Variants in NAALADL2 observed in about 807,000 individuals in gnomAD.
NAALADL2 encodes the protein inactive N-acetylated-alpha-linked acidic dipeptidase-like protein 2.
In NAALADL2, 76 loss-of-function variants were observed where a neutral mutation model predicts 87.2. That is an observed-to-expected ratio of 0.87 (90% CI 0.72 to 1.05). The LOEUF (loss-of-function observed/expected upper bound fraction) is 1.05, where lower values mean the gene tolerates loss of function less well. Among genes scored for constraint, NAALADL2 ranks in the 50% least tolerant of loss-of-function variants. The pLI, the probability that NAALADL2 is intolerant of heterozygous loss-of-function variation, is 0.00. For synonymous variants in NAALADL2, 354 were observed against 331.0 expected, an observed-to-expected ratio of 1.07 and a Z score of -0.75; for missense variants, 1,089 against 945.8, an observed-to-expected ratio of 1.15 and a Z score of -1.99.
intron 2 of NAALADL2, among the ~76,000 whole-genome samples, chr3:175,135,588 A>G (rs776320475): frequency 6.6e-5 from 10 of 152,186 alleles, no homozygotes; most frequent in African/African-American, 7.2e-5. Context: ...ATCAGTCAAA[A>G]GAAAGATGTT....
chr3:175,316,262 C>G (rs2110350099), intron 4 of NAALADL2, among the ~76,000 whole-genome samples: 1 of 152,240 alleles, frequency 6.6e-6, no homozygotes, highest in African/African-American at 2.4e-5. Context: ...TTACCCAGTT[C>G]AAGTAAAAGG....
intron 9 of NAALADL2, among the ~76,000 whole-genome samples, chr3:175,477,743 A>ATG (rs1300920245): frequency 6.6e-6 from 1 of 152,166 alleles, no homozygotes; most frequent in African/African-American, 2.4e-5. Context: ...TGAACAGTCC[A>ATG]TGTGTTGCTC....
chr3:175,256,648 G>A, intron 4 of NAALADL2, 118 bp downstream of exon 4: 1 of 896,840 alleles, frequency 1.1e-6, no homozygotes, highest in Non-Finnish European at 1.6e-6. Context: ...AGAGAGAGAA[G>A]GGGAGAGGAA....
chr3:174,983,207 T>G (rs911696337), intron 1 of NAALADL2, among the ~76,000 whole-genome samples: 1 of 152,150 alleles, frequency 6.6e-6, no homozygotes, highest in African/African-American at 2.4e-5. Flanking sequence ...GAGGGGACAG[T>G]ATGACCCAGA....
chr3:175,156,916 C>T (rs1306684582), intron 2 of NAALADL2, among the ~76,000 whole-genome samples: 2 of 151,974 alleles, frequency 1.3e-5, no homozygotes, highest in Non-Finnish European at 2.9e-5. Flanking sequence ...CAAGTCAGGT[C>T]GAACATATTG....
intron 6 of NAALADL2, among the ~76,000 whole-genome samples, chr3:175,458,324 A>G (rs574169940): frequency 9.9e-4 from 150 of 151,768 alleles, no homozygotes; most frequent in Non-Finnish European, 1.9e-3. Context: ...ATAAAAATAT[A>G]TCTATACACT....
intron 2 of NAALADL2, among the ~76,000 whole-genome samples, chr3:175,167,920 A>G (rs1033826651): frequency 8.6e-5 from 13 of 151,994 alleles, no homozygotes; most frequent in African/African-American, 3.1e-4. Context: ...TTTGAACTGT[A>G]AATTGTGATG....
At chr3:174,532,620 G>A (rs1721346618) in intron 1 of NAALADL2, among the ~76,000 whole-genome samples, 1 of 152,094 alleles carries the variant, frequency 6.6e-6, no homozygotes, top group South Asian at 2.1e-4. Context: ...GGTTTCCCAA[G>A]CTACACTGAA....
rs528490008 is a variant in NAALADL2, at chr3:175,134,129, A to G, written c.545+36838A>G. Among the ~76,000 whole-genome samples the G allele has an allele frequency of 1.2e-4, 18 of 152,282 alleles. No individual in the cohort carries two copies. In the South Asian group the frequency reaches 3.3e-3, roughly 28 times the overall value. On this transcript the variant is annotated intron_variant, in intron 2 of 13. Transcript: ENST00000454872. ...TCTTCCATGTGTGCATGGCTTGTCT[A>G]CAGTCACAGTTTATTTGCTTCTTTT...
At chr3:174,610,885 G>A (rs1263885224) in intron 2 of NAALADL2, among the ~76,000 whole-genome samples, 1 of 152,118 alleles carries the variant, frequency 6.6e-6, no homozygotes, top group Non-Finnish European at 1.5e-5. Context: ...TTGAGGCACT[G>A]TTCACAATAG....
At chr3:175,762,807 C>T (rs937156349) in intron 13 of NAALADL2, among the ~76,000 whole-genome samples, 1 of 152,086 alleles carries the variant, frequency 6.6e-6, no homozygotes, top group African/African-American at 2.4e-5. Context: ...AAATAAGGGC[C>T]AGGCGCAGTG....
chr3:174,897,080 T>C (rs1316044904), intron 1 of NAALADL2, among the ~76,000 whole-genome samples: 1 of 152,160 alleles, frequency 6.6e-6, no homozygotes, highest in Non-Finnish European at 1.5e-5. Flanking sequence ...GAAAACATTG[T>C]GGAACTCTCC....
intron 5 of NAALADL2, among the ~76,000 whole-genome samples, chr3:175,384,028 G>T (rs1479470720): frequency 6.6e-6 from 1 of 151,858 alleles, no homozygotes. Context: ...TTGCCTCAAG[G>T]CTCTTACAAT....
At chr3:175,155,238 T>C (rs751335289) in intron 2 of NAALADL2, among the ~76,000 whole-genome samples, 2 of 152,112 alleles carry the variant, frequency 1.3e-5, no homozygotes, top group Non-Finnish European at 2.9e-5. Context: ...TCCAGAAGAA[T>C]ATAAAGTGCA....
At chr3:174,456,966 A>T (rs1223469652) in intron 1 of NAALADL2, among the ~76,000 whole-genome samples, 1 of 152,180 alleles carries the variant, frequency 6.6e-6, no homozygotes, top group Non-Finnish European at 1.5e-5. Flanking sequence ...TGTGCATCTG[A>T]CACAGGACTA....
chr3:174,639,328 A>G (rs1318076331), intron 2 of NAALADL2, among the ~76,000 whole-genome samples: 1 of 152,216 alleles, frequency 6.6e-6, no homozygotes. Context: ...GGAAATTTCC[A>G]TATCATAAAG....
chr3:174,579,859 A>G (rs1715964353), intron 2 of NAALADL2, among the ~76,000 whole-genome samples: 1 of 152,036 alleles, frequency 6.6e-6, no homozygotes, highest in African/African-American at 2.4e-5. Flanking sequence ...CTTAGCTCAC[A>G]TTCTCAGGTG....
chr3:175,406,532 G>T (rs76632860), intron 5 of NAALADL2, among the ~76,000 whole-genome samples: 5,543 of 152,148 alleles, frequency 0.036, 96 homozygotes, highest in East Asian at 0.066. Flanking sequence ...TCTCATTACT[G>T]TTTATTTCAG....
At chr3:174,927,642 G>C (rs2108394722) in intron 1 of NAALADL2, among the ~76,000 whole-genome samples, 1 of 152,246 alleles carries the variant, frequency 6.6e-6, no homozygotes, top group Middle Eastern at 3.4e-3. Context: ...CAGAAATAAA[G>C]ATGTTCTTTG....
Sources: allele counts gnomAD v4.1 joint callset (sites outside exome capture counted in the v4.1 genomes callset), GRCh38; gene constraint gnomAD v4.1.1; transcripts MANE v1.5; gene names NCBI Gene and HGNC (gene_info 2026-07-23, HGNC 2026-07-21).